GOLGA8A: variants seen among roughly 807,000 people sequenced by gnomAD.
GOLGA8A encodes golgin subfamily A member 8A.
A neutral mutation model predicts 22.1 loss-of-function variants in GOLGA8A; 3 were observed. The ratio of observed to expected loss-of-function variants is 0.14; its 90% CI spans 0.06 to 0.35. The LOEUF is 0.35. GOLGA8A is among the 10% of genes least tolerant of loss of function. The pLI is 1.00. For missense variants in GOLGA8A, 16 were observed against 233.2 expected (o/e 0.07, Z 6.07); for synonymous variants, 7 against 91.7 (o/e 0.08, Z 5.28).
chr15:34,425,301 C>A (rs567867614), intron 2 of GOLGA8A, among the ~76,000 whole-genome samples: 3 of 147,428 alleles, frequency 2.0e-5, no homozygotes, highest in South Asian at 2.2e-4. Context: ...GAGAAACACT[C>A]AGAACACAGC....
Position 34,431,390 on chromosome 15 carries a change from T to C in GOLGA8A, c.-1123+3993A>G, listed in dbSNP as rs551853796. ...TGTCACTTAACGACAGGCATATATATGTATATATATATCACACACACACTC... is the reference window on the plus strand; with the variant it reads ...TGTCACTTAACGACAGGCATATATACGTATATATATATCACACACACACTC... On this transcript the variant is annotated intron_variant, in intron 2 of 24. Coordinates refer to ENST00000359187, the MANE Select transcript of GOLGA8A (RefSeq NM_181077.5). Among the ~76,000 whole-genome samples, 80 of 141,894 alleles carry C rather than the reference T, an allele frequency of 5.6e-4. 5 individuals are homozygous for C. Among genetic ancestry groups the C allele is most frequent in the African/African-American group, 1.7e-3 (64 of 38,106 alleles). The allele number at this position is 141,894 out of a possible 152,430, so 93.1% of individuals were successfully genotyped here. A position where few individuals can be genotyped will look rare whatever the true frequency, so the allele number is the denominator to read the frequency against.
chr15:34,386,491 GT>G (rs1445408241), intron 12 of GOLGA8A, 133 bp downstream of exon 12: 3 of 588,904 alleles, frequency 5.1e-6, no homozygotes, highest in Non-Finnish European at 8.8e-6. Context: ...GTCCCGCCAG[GT>G]GAGGCCTGGG....
rs1254198907 is a variant in GOLGA8A, at chr15:34,417,923, G to T, written c.-1122-10188C>A. ...TGCTATTGGCATCTCTTGGGTAGAG[G>T]GGGTGTTACTAAACGTCCTACAACA... On this transcript the variant is annotated intron_variant, in intron 2 of 24. Coordinates refer to ENST00000359187, the MANE Select transcript of GOLGA8A (RefSeq NM_181077.5). 1.1e-4 allele frequency: 16 copies of T among 141,218 alleles called. 1 individual carries two copies. Among genetic ancestry groups the T allele is most frequent in the African/African-American group, 3.9e-4 (15 of 38,276 alleles). 8.7% of individuals were successfully genotyped at this position (141,218 alleles called of 1,614,324 possible).
rs940936530 is a variant in GOLGA8A at position 34,423,246 on chromosome 15, T to C, written c.-1123+12137A>G. On this transcript the variant is annotated intron_variant, in intron 2 of 24. Transcript: ENST00000359187. The stretch of plus-strand genomic sequence containing the variant: ...CCTGCCCTACCACCACAGGGCAACA[T>C]GGGGCCACATCACGCCACCCTGCAG... Among the ~76,000 whole-genome samples, 8 of 126,280 alleles carry C rather than the reference T, an allele frequency of 6.3e-5. 1 individual carries two copies. The highest frequency in any genetic ancestry group is 2.3e-4 in the African/African-American group (8 of 34,542). 82.8% of individuals were successfully genotyped at this position (126,280 alleles called of 152,430 possible).
intron 1 of GOLGA8A, among the ~76,000 whole-genome samples, chr15:34,437,150 C>T (rs1318875404): frequency 6.8e-6 from 1 of 147,458 alleles, no homozygotes; most frequent in African/African-American, 2.5e-5. Flanking sequence ...CGCCTAGTCC[C>T]CGCCGCACCC....
At chr15:34,437,087 C>A (rs1454418477) in intron 1 of GOLGA8A, among the ~76,000 whole-genome samples, 5 of 148,182 alleles carry the variant, frequency 3.4e-5, no homozygotes, top group African/African-American at 1.2e-4. Flanking sequence ...CACTTGCCGG[C>A]GCCGAGAGTG....
chr15:34,435,219 C>T (rs1893449061), intron 2 of GOLGA8A, among the ~76,000 whole-genome samples, 164 bp downstream of exon 2: 1 of 149,304 alleles, frequency 6.7e-6, no homozygotes, highest in African/African-American at 2.5e-5. Context: ...TCCAACAGCC[C>T]TCACTGCAGC....
At chr15:34,424,125 G>A (rs1892889193) in intron 2 of GOLGA8A, among the ~76,000 whole-genome samples, 1 of 147,624 alleles carries the variant, frequency 6.8e-6, no homozygotes, top group Non-Finnish European at 1.5e-5. Context: ...CCCTTGCCTG[G>A]AGAAACCACT....
In GOLGA8A at chr15:34,427,953, G is replaced by C. The variant is rs1893055630; in HGVS notation, c.-1123+7430C>G. On this transcript the variant is annotated intron_variant, in intron 2 of 24. Coordinates refer to ENST00000359187, the MANE Select transcript of GOLGA8A (RefSeq NM_181077.5). ...TGGGAAGTCTCTGAAATTCAGGTTT[G>C]GGAAATCAGTTGACATGAACTACAG... is the stretch of plus-strand genomic sequence containing the variant. 2.0e-5 allele frequency among the ~76,000 whole-genome samples: 3 copies of C among 148,642 alleles called. 1 individual carries two copies. The highest frequency in any genetic ancestry group is 7.5e-5 in the African/African-American group (3 of 40,224).
chr15:34,425,683 T>C (rs1386443075), intron 2 of GOLGA8A, among the ~76,000 whole-genome samples: 1 of 145,014 alleles, frequency 6.9e-6, no homozygotes, highest in African/African-American at 2.5e-5. Flanking sequence ...ATATCCGCAA[T>C]ATATATAGAA....
chr15:34,424,629 A>C lies in GOLGA8A; in HGVS notation c.-1123+10754T>G, dbSNP rs1024539582. Among the ~76,000 whole-genome samples the C allele has an allele frequency of 3.1e-5, 4 of 127,152 alleles. No individual in the cohort carries two copies. In the Admixed American group the frequency reaches 3.4e-4, roughly 11 times the overall value. The allele number at this position is 127,152 out of a possible 152,430, so 83.4% of individuals were successfully genotyped here. ...GAGAGACGCACAAACATGCATGAAT[A>C]AAGCAATGAAGCTCCAGTGATGGAG... On this transcript the variant is annotated intron_variant, in intron 2 of 24. Coordinates refer to ENST00000359187, the MANE Select transcript of GOLGA8A (RefSeq NM_181077.5).
At position 34,385,770 on chromosome 15, in the gene GOLGA8A, CTGT is replaced by C; in HGVS notation, c.291_293del (p.Gln98del). The C allele has an allele frequency of 9.8e-7, 1 of 1,016,666 alleles. No individual in the cohort carries two copies. The highest frequency in any genetic ancestry group is 1.4e-6 in the Non-Finnish European group (1 of 696,672). The allele number at this position is 1,016,666 out of a possible 1,614,324, so 63.0% of individuals were successfully genotyped here. A position where few individuals can be genotyped will look rare whatever the true frequency, so the allele number is the denominator to read the frequency against. On this transcript the variant is annotated inframe_deletion, in exon 13 of 25. Transcript: ENST00000359187. ...CCAGCTGATGTTCCACTTGTTTCTTCTGTTGTTTCTGTGGGGAGAGTCAAATTA... is the reference window on the plus strand; with the variant it reads ...CCAGCTGATGTTCCACTTGTTTCTTCTGTTTCTGTGGGGAGAGTCAAATTA...
chr15:34,436,942 C>T (rs1287614699), intron 1 of GOLGA8A, among the ~76,000 whole-genome samples: 1 of 149,756 alleles, frequency 6.7e-6, no homozygotes, highest in African/African-American at 2.5e-5. Context: ...GGGAAGTGAA[C>T]CCAGAGGCGA....
intron 2 of GOLGA8A, among the ~76,000 whole-genome samples, chr15:34,434,314 G>A (rs565284638): frequency 6.7e-6 from 1 of 149,718 alleles, no homozygotes; most frequent in South Asian, 2.1e-4. Context: ...GCAGACTCAG[G>A]GGTACCCCAC....
chr15:34,421,354 T>C (rs554898395), intron 2 of GOLGA8A, among the ~76,000 whole-genome samples: 1 of 142,418 alleles, frequency 7.0e-6, no homozygotes, highest in Non-Finnish European at 1.5e-5. Context: ...CCCATCCCAT[T>C]AGGAACACTG....
In GOLGA8A at chr15:34,379,086, T is replaced by C. The variant is rs181119591; in HGVS notation, c.*2325A>G. The stretch of plus-strand genomic sequence containing the variant: ...ACAGCACTTTGCAACAATTTAAAAA[T>C]TTATTGCATTACAGTAGCATCACAT... On this transcript the variant is annotated 3_prime_UTR_variant, in exon 25 of 25. Coordinates refer to ENST00000359187, the MANE Select transcript of GOLGA8A (RefSeq NM_181077.5). 1.3e-5 allele frequency: 2 copies of C among 152,764 alleles called. No individual in the cohort carries two copies. The highest frequency in any genetic ancestry group is 1.3e-4 in the Admixed American group (2 of 15,302). The allele number at this position is 152,764 out of a possible 1,614,324, so 9.5% of individuals were successfully genotyped here.
intron 2 of GOLGA8A, among the ~76,000 whole-genome samples, chr15:34,420,513 G>A (rs1164862655): frequency 1.4e-5 from 2 of 144,164 alleles, no homozygotes; most frequent in East Asian, 2.1e-4. Flanking sequence ...TGCACTCACG[G>A]GTCACTGCAG....
At position 34,432,734 on chromosome 15, in the gene GOLGA8A, A is replaced by C. The variant is rs188611564; in HGVS notation, c.-1123+2649T>G. ...ACCTCAACCACGTATTTTTTCTCTTAATTTTGATCCTTGAAACACAAAACA... is the reference window on the plus strand; with the variant it reads ...ACCTCAACCACGTATTTTTTCTCTTCATTTTGATCCTTGAAACACAAAACA... On this transcript the variant is annotated intron_variant, in intron 2 of 24. Coordinates refer to ENST00000359187, the MANE Select transcript of GOLGA8A (RefSeq NM_181077.5). 4.4e-3 allele frequency among the ~76,000 whole-genome samples: 656 copies of C among 149,004 alleles called. 43 individuals carry two copies. The highest frequency in any genetic ancestry group is 0.016 in the African/African-American group (627 of 40,396).
rs1893121608 is a variant in GOLGA8A, at chr15:34,429,196, C to A, written c.-1123+6187G>T. Among the ~76,000 whole-genome samples, 3 of 147,776 alleles carry A rather than the reference C, an allele frequency of 2.0e-5. 1 individual carries two copies. The highest frequency in any genetic ancestry group is 7.5e-5 in the African/African-American group (3 of 39,926). ...GTCTTCCTCCCATGCTCTGAACTGT[C>A]CACTAGGGAAGCCAGCTGCAGAAAT... On this transcript the variant is annotated intron_variant, in intron 2 of 24. Transcript: ENST00000359187.
Sources: allele counts gnomAD v4.1 joint callset (sites outside exome capture counted in the v4.1 genomes callset), GRCh38; gene constraint gnomAD v4.1.1; transcripts MANE v1.5; gene names NCBI Gene and HGNC (gene_info 2026-07-23, HGNC 2026-07-21).